The following LTBP4 variants were observed in gnomAD, a reference collection of about 807,000 sequenced individuals.
The protein encoded by LTBP4 is latent transforming growth factor beta binding protein 4, also known as latent-transforming growth factor beta-binding protein 4.
Under a neutral mutation model 180.2 loss-of-function variants are expected in LTBP4, and 93 were observed. The ratio of observed to expected loss-of-function variants is 0.52; its 90% confidence interval spans 0.44 to 0.61. The LOEUF (loss-of-function observed/expected upper bound fraction) is 0.61, where lower values mean the gene tolerates loss of function less well. LTBP4 is among the 20% of genes least tolerant of loss of function. The pLI is 0.00. For synonymous variants in LTBP4, 947 were observed against 934.5 expected (o/e 1.01, Z -0.24); for missense variants, 2,116 against 2,256.5 (o/e 0.94, Z 1.26).
upstream of LTBP4, among the ~76,000 whole-genome samples, chr19:40,601,150 C>T (rs2081420330): frequency 6.6e-6 from 1 of 152,242 alleles, no homozygotes; most frequent in Admixed American, 6.5e-5. Context: ...CTTGTTGGTG[C>T]GCGGATGGGG....
chr19:40,605,538 G>T lies in LTBP4; in HGVS notation c.576G>T (p.Ala192=). Reference sequence around the variant, plus strand: ...CGGTGGCGCGGGCGGAAGCGGCGGCGCGGGCGGAGGCGGCAGCGCCCTACA... The same window carrying T: ...CGGTGGCGCGGGCGGAAGCGGCGGCTCGGGCGGAGGCGGCAGCGCCCTACA... ...AEAVARAEAA[A]RAEAAAPYTV... is the part of the protein sequence containing the mutation. Residue 192 remains alanine (A), a synonymous_variant, in exon 3 of 30, where the codon GCG becomes GCT. Transcript: ENST00000396819. This position sits in a 1 kb window ranked among gnomAD's most constrained non-coding sequence, Gnocchi z 5.5. The T allele has an allele frequency of 6.2e-7, 1 of 1,606,342 alleles. No individual in the cohort carries two copies. The highest frequency in any genetic ancestry group is 1.1e-5 in the South Asian group (1 of 90,844).
In LTBP4 at chr19:40,611,501, CAG is replaced by C; in HGVS notation, c.2053+108_2053+109del. On this transcript the variant is annotated intron_variant, in intron 13 of 29. Coordinates refer to ENST00000396819, the MANE Select transcript of LTBP4 (RefSeq NM_001042545.2). This position sits in a 1 kb window ranked among gnomAD's most constrained non-coding sequence, Gnocchi z 4.4. ...AGTGATGGGGCTCAGGGATGGAGAA[CAG>C]GGGCTGAGGGATGGGGACCTCACTC... 2.7e-6 allele frequency: 4 copies of C among 1,470,066 alleles called. No homozygotes were observed. The South Asian group carries it at 4.0e-5, about 15-fold the overall frequency. 91.1% of individuals were successfully genotyped at this position (1,470,066 alleles called of 1,614,324 possible).
rs759124033 is a variant in LTBP4, at chr19:40,629,475, C to G, written c.4599C>G (p.Phe1533Leu). Reference protein sequence around the residue: ...NARCLNTDGSFRCICRPGFAP... With the variant: ...NARCLNTDGSLRCICRPGFAP... ...GTTGCCTCAACACGGATGGCTCCTT[C>G]CGCTGCATCTGCCGCCCGGGATTCG... is the stretch of plus-strand genomic sequence containing the variant. Residue 1533 changes from phenylalanine to leucine, a missense_variant, in exon 30 of 30, where the codon TTC (phenylalanine) becomes TTG (leucine). Physicochemically the swap from Phe to Leu is conservative, Grantham distance 22. Transcript: ENST00000396819. This position sits in a 1 kb window ranked among gnomAD's most constrained non-coding sequence, Gnocchi z 4.5. 37 of 1,608,984 alleles carry G rather than the reference C, an allele frequency of 2.3e-5. No individual in the cohort carries two copies. The Middle Eastern group carries it at 9.9e-4, about 43-fold the overall frequency.
At chr19:40,604,040 G>A (rs993980693) in intron 1 of LTBP4, among the ~76,000 whole-genome samples, 1 of 152,258 alleles carries the variant, frequency 6.6e-6, no homozygotes, top group Non-Finnish European at 1.5e-5. Flanking sequence ...GGCCGAGCTA[G>A]AACTCTAAAG....
chr19:40,605,723 C>T lies in LTBP4; in HGVS notation c.691-6C>T. On this transcript the variant is annotated splice_region_variant and splice_polypyrimidine_tract_variant and intron_variant, in intron 3 of 29. Transcript: ENST00000396819. This position sits in a 1 kb window ranked among gnomAD's most constrained non-coding sequence, Gnocchi z 5.5. ...GGGGGCGCGCTCACCCAACACTTCC[C>T]CGCAGTGCGCGTCCCCGCTGCCCGG... 6.5e-7 allele frequency: 1 copy of T among 1,546,804 alleles called. No individual in the cohort carries two copies.
In LTBP4 at chr19:40,605,012, G is replaced by T; in HGVS notation, c.251-23G>T. 6.3e-7 allele frequency: 1 copy of T among 1,593,566 alleles called. No individual in the cohort carries two copies. The highest frequency in any genetic ancestry group is 1.1e-5 in the South Asian group (1 of 90,242). ...ACCTGCCAGGAATGGTGGCGCCCCT[G>T]AGTGTCCTCGTTCTCCTCCCAGTCC... On this transcript the variant is annotated intron_variant, in intron 1 of 29. Transcript: ENST00000396819. This position sits in a 1 kb window ranked among gnomAD's most constrained non-coding sequence, Gnocchi z 5.5.
chr19:40,595,384 C>T (rs1217798780), intron 1 of LTBP4, among the ~76,000 whole-genome samples: 4 of 152,230 alleles, frequency 2.6e-5, no homozygotes, highest in African/African-American at 7.2e-5. Context: ...TCTGCAAAAG[C>T]TTGCTCCCCG....
In LTBP4 at chr19:40,605,389, G is replaced by C; in HGVS notation, c.443-16G>C. 6.2e-7 allele frequency: 1 copy of C among 1,612,472 alleles called. No homozygotes were observed. The highest frequency in any genetic ancestry group is 1.1e-5 in the South Asian group (1 of 91,050). ...ACCCGTGTAGACATCCGTTTGCCCG[G>C]CCGTGCCTCCCCTAGGCGTGGCATC... On this transcript the variant is annotated splice_polypyrimidine_tract_variant and intron_variant, in intron 2 of 29. Transcript: ENST00000396819. This position sits in a 1 kb window ranked among gnomAD's most constrained non-coding sequence, Gnocchi z 5.5.
In LTBP4 at chr19:40,629,138, C is replaced by T. The variant is rs2081658410; in HGVS notation, c.4520-258C>T. Reference sequence around the variant, plus strand: ...TGCTGAGATTACAGGCATGAGCCACCGCGCCCGGCCATTATTATTTTCTTA... The same window carrying T: ...TGCTGAGATTACAGGCATGAGCCACTGCGCCCGGCCATTATTATTTTCTTA... On this transcript the variant is annotated intron_variant, in intron 29 of 29. Transcript: ENST00000396819. The surrounding 1 kb of genome is among the most constrained non-coding windows in gnomAD (Gnocchi z 4.5). 6.6e-6 allele frequency among the ~76,000 whole-genome samples: 1 copy of T among 152,148 alleles called. No individual in the cohort carries two copies. Among genetic ancestry groups the T allele is most frequent in the South Asian group, 2.1e-4 (1 of 4,832 alleles).
At position 40,609,739 on chromosome 19, in the gene LTBP4, T is replaced by C; in HGVS notation, c.1559-7T>C. On this transcript the variant is annotated splice_polypyrimidine_tract_variant and splice_region_variant and intron_variant, in intron 10 of 29. Transcript: ENST00000396819. The surrounding 1 kb of genome is among the most constrained non-coding windows in gnomAD (Gnocchi z 4.9). ...CACCTTGTCACCAGCCCCCTCCGTG[T>C]CCTCAGATGTGGACGAATGTCGCCG... is the stretch of plus-strand genomic sequence containing the variant. 1 of 1,611,178 alleles carries C rather than the reference T, an allele frequency of 6.2e-7. No individual in the cohort carries two copies. Among genetic ancestry groups the C allele is most frequent in the Non-Finnish European group, 8.5e-7 (1 of 1,178,082 alleles).
At chr19:40,602,176 T>C (rs1299491017) in intron 1 of LTBP4, among the ~76,000 whole-genome samples, 13 of 112,576 alleles carry the variant, frequency 1.2e-4, no homozygotes, top group African/African-American at 4.5e-4. Context: ...TGTGTGTGTG[T>C]GTGTGTGGCG....
intron 7 of LTBP4, 26 bp from the exon 8 acceptor site, chr19:40,608,194 T>A (rs1176975148): frequency 6.2e-7 from 1 of 1,613,456 alleles, no homozygotes; most frequent in Non-Finnish European, 8.5e-7. Context: ...TCTTGTCCTC[T>A]CTCTGTCTCT....
rs1319818674 is a variant in LTBP4, at chr19:40,622,910, G to T, written c.3485-40G>T. 6.2e-7 allele frequency: 1 copy of T among 1,600,184 alleles called. No individual in the cohort carries two copies. On this transcript the variant is annotated intron_variant, in intron 23 of 29. Coordinates refer to ENST00000396819, the MANE Select transcript of LTBP4 (RefSeq NM_001042545.2). The surrounding 1 kb of genome is among the most constrained non-coding windows in gnomAD (Gnocchi z 5.1). ...CACGAGCAGGTCAGGGCTGGGGCTG[G>T]GGCTCTGGTGTCCTGGCTCAGGCTT... is the stretch of plus-strand genomic sequence containing the variant.
chr19:40,601,438 G>A lies in LTBP4; in HGVS notation c.51G>A (p.Ala17=), dbSNP rs2081423143. 1.4e-6 allele frequency: 2 copies of A among 1,459,644 alleles called. No homozygotes were observed. The highest frequency in any genetic ancestry group is 2.4e-5 in the Admixed American group (1 of 42,062). 90.4% of individuals were successfully genotyped at this position (1,459,644 alleles called of 1,614,324 possible). Residue 17 remains alanine, a synonymous_variant, in exon 1 of 30, where the codon GCG becomes GCA. Transcript: ENST00000396819. ...GGGTGTCGCTATTGGTGCTGCTGGC[G>A]CAGCTAGGGCCGCAGCCTGGACTGG... ...LLWVSLLVLL[A]QLGPQPGLGR...
At position 40,613,870 on chromosome 19, in the gene LTBP4, G is replaced by GGC; in HGVS notation, c.2558-44_2558-43dup. 1 of 1,611,902 alleles carries GGC rather than the reference G, an allele frequency of 6.2e-7. No individual in the cohort carries two copies. The highest frequency in any genetic ancestry group is 1.1e-5 in the South Asian group (1 of 90,906). On this transcript the variant is annotated intron_variant, in intron 17 of 29. Transcript: ENST00000396819. The surrounding 1 kb of genome is among the most constrained non-coding windows in gnomAD (Gnocchi z 5.0). ...TGGAGGGGTGTGGCCTAGAATGTTA[G>GGC]GCGGAGCGGGAGGTGGGCCGGGCCT...
At chr19:40,615,569 C>T (rs1016949683) in intron 19 of LTBP4, among the ~76,000 whole-genome samples, 3 of 152,098 alleles carry the variant, frequency 2.0e-5, no homozygotes, top group Non-Finnish European at 2.9e-5. Flanking sequence ...ACTAGCCTGG[C>T]CAACATGGTG....
Position 40,613,648 on chromosome 19 carries a change from A to C in LTBP4, c.2557+119A>C, listed in dbSNP as rs536227010. 4.7e-4 allele frequency: 686 copies of C among 1,470,176 alleles called. 1 individual carries two copies. Among genetic ancestry groups the C allele is most frequent in the Non-Finnish European group, 4.8e-4 (524 of 1,088,318 alleles). 91.1% of individuals were successfully genotyped at this position (1,470,176 alleles called of 1,614,324 possible). A position where few individuals can be genotyped will look rare whatever the true frequency, so the allele number is the denominator to read the frequency against. ...TTTTTAGCCGGGGTATTCCAGCAGGATCAGGGGGCAGCTGGTGGGAGTCTC... is the reference window on the plus strand; with the variant it reads ...TTTTTAGCCGGGGTATTCCAGCAGGCTCAGGGGGCAGCTGGTGGGAGTCTC... On this transcript the variant is annotated intron_variant, in intron 17 of 29. Coordinates refer to ENST00000396819, the MANE Select transcript of LTBP4 (RefSeq NM_001042545.2). The surrounding 1 kb of genome is among the most constrained non-coding windows in gnomAD (Gnocchi z 5.0).
intron 15 of LTBP4, 83 bp downstream of exon 15, chr19:40,612,275 T>A: frequency 6.7e-7 from 1 of 1,484,938 alleles, no homozygotes; most frequent in Non-Finnish European, 9.0e-7. Flanking sequence ...GACCTGGCCG[T>A]AACCTCCTGA....
At chr19:40,623,574 C>G (rs753228728) in intron 24 of LTBP4, 30 bp from the exon 25 acceptor site, 1 of 1,603,266 alleles carries the variant, frequency 6.2e-7, no homozygotes, top group South Asian at 1.1e-5. Flanking sequence ...ATCCAGCCCG[C>G]CCCCATCTCT....
Sources: gnomAD v4.1 joint callset for allele counts (sites outside exome capture counted in the v4.1 genomes callset) on GRCh38, gnomAD v4.1.1 for gene constraint, Gnocchi (gnomAD v3.1) non-coding constraint, MANE v1.5 for transcripts, NCBI Gene and HGNC (gene_info 2026-07-23, HGNC 2026-07-21) for gene names.